EPHA3: variants seen among roughly 807,000 people sequenced by gnomAD.
The protein encoded by EPHA3 is EPH receptor A3, also known as ephrin type-A receptor 3.
In EPHA3, 42 loss-of-function variants were observed where a neutral mutation model predicts 107.1. That is an observed-to-expected ratio of 0.39 (90% CI 0.31 to 0.51). EPHA3 has a LOEUF of 0.51. EPHA3 is among the 20% of genes least tolerant of loss of function. The probability of loss-of-function intolerance (pLI) is 0.78; values close to 1 mark genes in which losing one functional copy is unlikely to be tolerated. For missense variants in EPHA3, 1,183 were observed against 1,211.2 expected (o/e 0.98, Z 0.35); for synonymous variants, 461 against 424.8 (o/e 1.09, Z -1.05).
At chr3:89,196,508 A>C (rs896571104) in intron 2 of EPHA3, among the ~76,000 whole-genome samples, 2 of 151,836 alleles carry the variant, frequency 1.3e-5, no homozygotes, top group Non-Finnish European at 2.9e-5. Flanking sequence ...TGTTTGATAA[A>C]TATGTGTTGA....
chr3:89,147,980 A>G (rs1222060528), intron 2 of EPHA3, among the ~76,000 whole-genome samples: 1 of 151,944 alleles, frequency 6.6e-6, no homozygotes, highest in Non-Finnish European at 1.5e-5. Context: ...GCATTAGGCT[A>G]GGAGAGTAAA....
chr3:89,448,187 C>T lies in EPHA3; in HGVS notation c.2347-1038C>T, dbSNP rs563157788. On this transcript the variant is annotated intron_variant, in intron 13 of 16. Transcript: ENST00000336596. ...CAGGGTAAGTTCCATGGACCAGCAT[C>T]ACATGGAGATTGTTGGAAATGCAGA... 1.2e-3 allele frequency among the ~76,000 whole-genome samples: 183 copies of T among 152,194 alleles called. 1 individual carries two copies. Among genetic ancestry groups the T allele is most frequent in the African/African-American group, 4.4e-3 (183 of 41,526 alleles).
intron 3 of EPHA3, among the ~76,000 whole-genome samples, chr3:89,271,470 G>T (rs1479423554): frequency 1.3e-5 from 2 of 151,914 alleles, no homozygotes; most frequent in African/African-American, 4.8e-5. Flanking sequence ...CAAGAAACCT[G>T]CAGCAACTTG....
chr3:89,304,829 G>C (rs112494886), intron 3 of EPHA3, among the ~76,000 whole-genome samples: 215 of 152,128 alleles, frequency 1.4e-3, no homozygotes, highest in African/African-American at 5.0e-3. Flanking sequence ...AAAAGGGAGA[G>C]GTTCTTTCTT....
chr3:89,146,086 A>G (rs1318467554), intron 2 of EPHA3, among the ~76,000 whole-genome samples: 1 of 151,842 alleles, frequency 6.6e-6, no homozygotes, highest in East Asian at 1.9e-4. Context: ...GGAAAATTCT[A>G]GAAATAGTTC....
intron 3 of EPHA3, among the ~76,000 whole-genome samples, chr3:89,312,266 T>G (rs1172033970): frequency 6.6e-6 from 1 of 151,966 alleles, no homozygotes; most frequent in East Asian, 1.9e-4. Flanking sequence ...TGATTTTTAT[T>G]TATTAATTCC....
intron 10 of EPHA3, among the ~76,000 whole-genome samples, chr3:89,418,904 C>A (rs1187714353): frequency 6.6e-6 from 1 of 151,404 alleles, no homozygotes; most frequent in Non-Finnish European, 1.5e-5. Context: ...GGTAAAAAAT[C>A]TAACATATGC....
At position 89,472,554 on chromosome 3, in the gene EPHA3, C is replaced by A; in HGVS notation, c.2781C>A (p.His927Gln). ...GDWLNGVWTA[H>Q]CKEIFTGVEY... ...GGCTTAATGGTGTCTGGACAGCACA[C>A]TGCAAGGAAATCTTCACGGGTGTGG... Residue 927 changes from histidine to glutamine, a missense_variant, in exon 16 of 17, where the codon CAC becomes CAA. Transcript: ENST00000336596. 1 of 1,614,104 alleles carries A rather than the reference C, an allele frequency of 6.2e-7. No homozygotes were observed. The highest frequency in any genetic ancestry group is 8.5e-7 in the Non-Finnish European group (1 of 1,180,012).
chr3:89,259,357 G>A (rs2107277418), intron 3 of EPHA3, among the ~76,000 whole-genome samples: 1 of 152,104 alleles, frequency 6.6e-6, no homozygotes, highest in Middle Eastern at 3.4e-3. Context: ...TGTCTTTTTG[G>A]CTAAAATGAA....
chr3:89,347,341 G>C (rs1266460134), intron 5 of EPHA3, among the ~76,000 whole-genome samples: 1 of 147,632 alleles, frequency 6.8e-6, no homozygotes, highest in Non-Finnish European at 1.5e-5. Flanking sequence ...CACATCCCTT[G>C]TAAGTTGGAT....
chr3:89,323,766 G>A (rs1260210606), intron 3 of EPHA3, among the ~76,000 whole-genome samples: 6 of 151,946 alleles, frequency 3.9e-5, no homozygotes, highest in Non-Finnish European at 5.9e-5. Context: ...TATCAGTAAC[G>A]TGAAAGATTT....
chr3:89,406,240 G>T (rs1275583572), intron 7 of EPHA3, among the ~76,000 whole-genome samples: 1 of 152,114 alleles, frequency 6.6e-6, no homozygotes, highest in Non-Finnish European at 1.5e-5. Context: ...AAATGTTGTG[G>T]TCTGGAATCA....
At chr3:89,413,388 TAATA>T in intron 10 of EPHA3, 122 bp downstream of exon 10, 3 of 1,276,464 alleles carry the variant, frequency 2.4e-6, no homozygotes, top group Non-Finnish European at 3.4e-6. Context: ...CAAAGGCAAG[TAATA>T]AATAAGTGCA....
Position 89,264,792 on chromosome 3 carries a change from T to G in EPHA3, c.814+54272T>G, listed in dbSNP as rs1203135678. On this transcript the variant is annotated intron_variant, in intron 3 of 16. Coordinates refer to ENST00000336596, the MANE Select transcript of EPHA3 (RefSeq NM_005233.6). The stretch of plus-strand genomic sequence containing the variant: ...GGAATTCTGTCTTAAAAGAAAACAG[T>G]AGGAGTTTTGTGCCTTTTGAGTTAA... Among the ~76,000 whole-genome samples, 5 of 152,294 alleles carry G rather than the reference T, an allele frequency of 3.3e-5. No individual in the cohort carries two copies. In the East Asian group the frequency reaches 9.7e-4, roughly 29 times the overall value.
intron 1 of EPHA3, among the ~76,000 whole-genome samples, chr3:89,112,642 GA>G (rs369818472): frequency 1.7e-4 from 24 of 141,870 alleles, no homozygotes; most frequent in Admixed American, 3.5e-4. Context: ...CAACACAAAT[GA>G]AAAAAAAAAG....
At chr3:89,126,487 T>C (rs1371178838) in intron 1 of EPHA3, among the ~76,000 whole-genome samples, 1 of 151,692 alleles carries the variant, frequency 6.6e-6, no homozygotes, top group Non-Finnish European at 1.5e-5. Context: ...TATATTTTAC[T>C]TTTTGTATAC....
intron 2 of EPHA3, among the ~76,000 whole-genome samples, chr3:89,127,648 T>C (rs1391718876): frequency 6.6e-6 from 1 of 151,984 alleles, no homozygotes; most frequent in Non-Finnish European, 1.5e-5. Flanking sequence ...ATCTCCAAAG[T>C]CATAGCCTTA....
At chr3:89,427,046 G>A (rs116237414) in intron 11 of EPHA3, among the ~76,000 whole-genome samples, 2,992 of 151,808 alleles carry the variant, frequency 0.02, 44 homozygotes, top group Non-Finnish European at 0.033. Context: ...TTTTGATAAA[G>A]CAAATTCTGG....
chr3:89,397,865 G>A (rs1272358313), intron 6 of EPHA3, among the ~76,000 whole-genome samples: 2 of 152,150 alleles, frequency 1.3e-5, no homozygotes, highest in African/African-American at 2.4e-5. Flanking sequence ...TTACAGGCGT[G>A]AGCCACCACC....
Sources: gnomAD v4.1 joint callset for allele counts (sites outside exome capture counted in the v4.1 genomes callset) on GRCh38, gnomAD v4.1.1 for gene constraint, MANE v1.5 for transcripts, NCBI Gene and HGNC (gene_info 2026-07-23, HGNC 2026-07-21) for gene names.